NUP214: variants seen among roughly 807,000 people sequenced by gnomAD.
The protein encoded by NUP214 is nucleoporin 214.
Under a neutral mutation model 196.2 loss-of-function variants are expected in NUP214, and 79 were observed. That is an observed-to-expected ratio of 0.40 (90% CI 0.34 to 0.49). The LOEUF is 0.49. Ranked by LOEUF, NUP214 falls within the 20% of genes least tolerant of loss-of-function variation. The pLI is 0.58. For synonymous variants in NUP214, 1,020 were observed against 990.5 expected (o/e 1.03, Z -0.56); for missense variants, 2,468 against 2,539.0 (o/e 0.97, Z 0.60).
chr9:131,215,205 T>G lies in NUP214; in HGVS notation c.5593-7T>G. The G allele has an allele frequency of 6.6e-7, 1 of 1,514,168 alleles. No homozygotes were observed. Among genetic ancestry groups the G allele is most frequent in the Non-Finnish European group, 8.8e-7 (1 of 1,131,930 alleles). The allele number at this position is 1,514,168 out of a possible 1,614,324, so 93.8% of individuals were successfully genotyped here. ...CTATCTTGCTTCCTGACCCTTTTGT[T>G]TTTTAGCAATCATCCTCTTCCAGTG... is the stretch of plus-strand genomic sequence containing the variant. On this transcript the variant is annotated splice_polypyrimidine_tract_variant and splice_region_variant and intron_variant, in intron 30 of 35. Coordinates refer to ENST00000359428, the MANE Select transcript of NUP214 (RefSeq NM_005085.4).
At chr9:131,223,003 C>T in intron 32 of NUP214, 73 bp downstream of exon 32, 1 of 1,456,118 alleles carries the variant, frequency 6.9e-7, no homozygotes, top group Admixed American at 1.9e-5. Flanking sequence ...TGGAAGGAGA[C>T]ATCTCTAGGG....
intron 22 of NUP214, among the ~76,000 whole-genome samples, chr9:131,174,972 A>G (rs1833074090): frequency 6.6e-6 from 1 of 152,170 alleles, no homozygotes; most frequent in African/African-American, 2.4e-5. Flanking sequence ...CAACATCCAC[A>G]CTCATATCTT....
intron 10 of NUP214, 57 bp from the exon 11 acceptor site, chr9:131,140,492 T>G: frequency 6.7e-7 from 1 of 1,502,544 alleles, no homozygotes; most frequent in South Asian, 1.3e-5. Context: ...CTTTGCCTTC[T>G]GGGCTCAGGC....
At chr9:131,200,572 C>T (rs1394607475) in intron 29 of NUP214, among the ~76,000 whole-genome samples, 2 of 152,110 alleles carry the variant, frequency 1.3e-5, no homozygotes, top group South Asian at 2.1e-4. Context: ...AGCTGGGCGT[C>T]GTGGCAGGCG....
chr9:131,213,751 C>CTGTTGTTGTTTTGT lies in NUP214; in HGVS notation c.5593-1451_5593-1450insTTGTTGTTGTTGTT, dbSNP rs147112479. Among the ~76,000 whole-genome samples, 249 of 147,646 alleles carry CTGTTGTTGTTTTGT rather than the reference C, an allele frequency of 1.7e-3. 2 individuals carry two copies. The highest frequency in any genetic ancestry group is 5.9e-3 in the African/African-American group (236 of 39,692). ...ATTAAATGGTTGTAGTGAATTGGTA[C>CTGTTGTTGTTTTGT]TGTTGTTGTTGTTGTTGTTGTTGTT... On this transcript the variant is annotated intron_variant, in intron 30 of 35. Coordinates refer to ENST00000359428, the MANE Select transcript of NUP214 (RefSeq NM_005085.4).
At chr9:131,218,973 G>A (rs894948821) in intron 31 of NUP214, among the ~76,000 whole-genome samples, 1 of 152,062 alleles carries the variant, frequency 6.6e-6, no homozygotes, top group Non-Finnish European at 1.5e-5. Context: ...ATGAATGCAA[G>A]GCTGTTTCTG....
intron 1 of NUP214, chr9:131,126,889 A>G (rs1489106247): frequency 6.6e-6 from 1 of 152,172 alleles, no homozygotes; most frequent in African/African-American, 2.4e-5. Flanking sequence ...ACCTGTGGTG[A>G]GCCACCTAAT....
Position 131,192,199 on chromosome 9 carries a change from T to TTAAA in NUP214, c.3575-9_3575-8insTAAA. On this transcript the variant is annotated splice_polypyrimidine_tract_variant and intron_variant, in intron 26 of 35. Coordinates refer to ENST00000359428, the MANE Select transcript of NUP214 (RefSeq NM_005085.4). ...TTTTTTTTTTTTTTTTTTTTTTCCA[T>TTAAA]AATTTCAGGGACAGCCAAGATAGAA... The TTAAA allele has an allele frequency of 2.2e-6, 1 of 461,898 alleles. No individual in the cohort carries two copies. The highest frequency in any genetic ancestry group is 3.9e-6 in the Non-Finnish European group (1 of 258,920). The allele number at this position is 461,898 out of a possible 1,614,324, so 28.6% of individuals were successfully genotyped here.
intron 17 of NUP214, chr9:131,153,138 C>A (rs1832323560): frequency 6.6e-6 from 1 of 152,136 alleles, no homozygotes; most frequent in African/African-American, 2.4e-5. Flanking sequence ...TACACCGAAT[C>A]ATTGTGTCAC....
At chr9:131,141,868 G>C (rs1831926796) in intron 11 of NUP214, 1 of 152,144 alleles carries the variant, frequency 6.6e-6, no homozygotes, top group Non-Finnish European at 1.5e-5. Flanking sequence ...GTATATAACT[G>C]ATACAATTTT....
rs188649721 is a variant in NUP214, at chr9:131,187,146, C to T, written c.3420-143C>T. 1.4e-3 allele frequency: 859 copies of T among 623,044 alleles called. 5 individuals are homozygous for T. The African/African-American group carries it at 0.015, about 11-fold the overall frequency. The allele number at this position is 623,044 out of a possible 1,614,324, so 38.6% of individuals were successfully genotyped here. A position where few individuals can be genotyped will look rare whatever the true frequency, so the allele number is the denominator to read the frequency against. On this transcript the variant is annotated intron_variant, in intron 24 of 35. Coordinates refer to ENST00000359428, the MANE Select transcript of NUP214 (RefSeq NM_005085.4). The stretch of plus-strand genomic sequence containing the variant: ...AAAATTTATCCTTCAAAAAAAATGT[C>T]AAATCAGTTGTATTGGGGTCCCATG...
In NUP214 at chr9:131,174,458, T is replaced by TC. The variant is rs1300089528; in HGVS notation, c.3157+140_3157+141insC. 1,593 of 794,060 alleles carry TC rather than the reference T, an allele frequency of 2.0e-3. 51 individuals carry two copies. In the African/African-American group the frequency reaches 0.028, roughly 14 times the overall value. 49.2% of individuals were successfully genotyped at this position (794,060 alleles called of 1,614,324 possible). Reference sequence around the variant, plus strand: ...TTTTTTTTTTTTTTCTTTTTTTCTTTTTTTTTTTGAGGTGGAGTCTCACTC... The same window carrying TC: ...TTTTTTTTTTTTTTCTTTTTTTCTTTCTTTTTTTTGAGGTGGAGTCTCACTC... On this transcript the variant is annotated intron_variant, in intron 22 of 35. Transcript: ENST00000359428.
intron 24 of NUP214, among the ~76,000 whole-genome samples, chr9:131,184,940 C>A (rs1290132457): frequency 1.3e-5 from 2 of 152,142 alleles, no homozygotes; most frequent in Non-Finnish European, 2.9e-5. Flanking sequence ...TCTTCAGTTA[C>A]TCTTGATAAG....
intron 24 of NUP214, among the ~76,000 whole-genome samples, chr9:131,183,453 C>T (rs1280501690): frequency 6.6e-6 from 1 of 152,198 alleles, no homozygotes; most frequent in Non-Finnish European, 1.5e-5. Flanking sequence ...GTTACCATTT[C>T]CAGGGTTCTT....
Position 131,125,807 on chromosome 9 carries a change from C to G in NUP214, c.45+58C>G, listed in dbSNP as rs375749311. Reference sequence around the variant, plus strand: ...TTAGTCCTGGCGTTGCCTTGGAGCCCAGCTGAAAGGCGAAGCGCGGTGCTG... The same window carrying G: ...TTAGTCCTGGCGTTGCCTTGGAGCCGAGCTGAAAGGCGAAGCGCGGTGCTG... On this transcript the variant is annotated intron_variant, in intron 1 of 35. Coordinates refer to ENST00000359428, the MANE Select transcript of NUP214 (RefSeq NM_005085.4). The surrounding 1 kb of genome is among the most constrained non-coding windows in gnomAD (Gnocchi z 4.1). 97 of 1,537,262 alleles carry G rather than the reference C, an allele frequency of 6.3e-5. No individual in the cohort carries two copies. The highest frequency in any genetic ancestry group is 1.8e-4 in the Admixed American group (9 of 50,344).
intron 21 of NUP214, among the ~76,000 whole-genome samples, chr9:131,166,337 A>G (rs1225179821): frequency 6.6e-6 from 1 of 152,210 alleles, no homozygotes; most frequent in Admixed American, 6.5e-5. Flanking sequence ...ATCAGATTAT[A>G]TATTTAGATA....
In NUP214 at chr9:131,174,223, C is replaced by T. The variant is rs377013420; in HGVS notation, c.3062C>T (p.Thr1021Ile). The T allele has an allele frequency of 1.2e-6, 2 of 1,613,904 alleles. No homozygotes were observed. The highest frequency in any genetic ancestry group is 2.7e-5 in the African/African-American group (2 of 74,914). ...QAPRHAPVVR[T>I]PSIQPSLLPH... ...CCTCGGCACGCCCCCGTGGTTCGCA[C>T]TCCTTCCATCCAGCCCAGTCTCTTG... The change falls in exon 22 of 36, where the codon ACT (threonine) becomes ATT (isoleucine). Residue 1021 changes from threonine to isoleucine, a missense_variant. Thr to Ile is a moderately conservative substitution (Grantham distance 89, BLOSUM62 -1). Transcript: ENST00000359428.
chr9:131,192,008 C>T (rs1833614846), intron 26 of NUP214, 200 bp from the exon 27 acceptor site: 2 of 442,172 alleles, frequency 4.5e-6, no homozygotes, highest in South Asian at 4.8e-5. Context: ...GACAGAGCCA[C>T]GGAGCAATTT....
chr9:131,225,481 A>G (rs1461943462), intron 32 of NUP214, among the ~76,000 whole-genome samples: 2 of 152,226 alleles, frequency 1.3e-5, no homozygotes, highest in Non-Finnish European at 2.9e-5. Context: ...GTATGCCCCA[A>G]CTTTTCATAG....
Sources: gnomAD v4.1 joint callset for allele counts (sites outside exome capture counted in the v4.1 genomes callset) on GRCh38, gnomAD v4.1.1 for gene constraint, Gnocchi (gnomAD v3.1) non-coding constraint, MANE v1.5 for transcripts, NCBI Gene and HGNC (gene_info 2026-07-23, HGNC 2026-07-21) for gene names.